Variants in LARP4B observed in about 807,000 individuals in gnomAD.
LARP4B encodes the protein La ribonucleoprotein 4B.
In LARP4B, 12 loss-of-function variants were observed where a neutral mutation model predicts 89.8. That is an observed-to-expected ratio of 0.13 (90% CI 0.09 to 0.22). The LOEUF (loss-of-function observed/expected upper bound fraction) is 0.22, where lower values mean the gene tolerates loss of function less well. Ranked by LOEUF, LARP4B falls within the 10% of genes least tolerant of loss-of-function variation. LARP4B has a pLI of 1.00. For missense variants in LARP4B, 757 were observed against 947.7 expected, an observed-to-expected ratio of 0.80 and a Z score of 2.64; for synonymous variants, 367 against 363.3, an observed-to-expected ratio of 1.01 and a Z score of -0.12.
rs1186207058 is a variant in LARP4B, at chr10:812,125, C to T, written c.*801G>A. On this transcript the variant is annotated 3_prime_UTR_variant, in exon 18 of 18. Coordinates refer to ENST00000316157, the MANE Select transcript of LARP4B (RefSeq NM_015155.3). ...GAGCAGGGCCGGGGCCATCAGCTCA[C>T]AGGGGTCAAAACAACATCATGGTAC... The T allele has an allele frequency of 6.5e-6, 1 of 152,692 alleles. No homozygotes were observed. Among genetic ancestry groups the T allele is most frequent in the East Asian group, 1.9e-4 (1 of 5,204 alleles). The allele number at this position is 152,692 out of a possible 1,614,324, so 9.5% of individuals were successfully genotyped here.
chr10:974,869 T>G, the LARP4B span, among the ~76,000 whole-genome samples: 3 of 152,222 alleles, frequency 2.0e-5, no homozygotes, highest in Admixed American at 2.0e-4. Context: ...GCACAGACGC[T>G]CAAGCCTCCC....
At position 829,949 on chromosome 10, in the gene LARP4B, T is replaced by G. The variant is rs1192715462; in HGVS notation, c.862-215A>C. Among the ~76,000 whole-genome samples the G allele has an allele frequency of 2.6e-5, 4 of 152,116 alleles. 1 individual carries two copies. Among genetic ancestry groups the G allele is most frequent in the Non-Finnish European group, 5.9e-5 (4 of 68,014 alleles). ...GTACCCCAAATTCTCACAAACAAGA[T>G]TTGTACACAATTTTGTAAGTATTAA... On this transcript the variant is annotated intron_variant, in intron 9 of 17. Transcript: ENST00000316157.
At chr10:974,406 C>T in the LARP4B span, among the ~76,000 whole-genome samples, 1 of 152,192 alleles carries the variant, frequency 6.6e-6, no homozygotes, top group African/African-American at 2.4e-5. Flanking sequence ...GGAGCCTTAC[C>T]GTGGCAAATG....
In LARP4B at chr10:817,873, G is replaced by T; in HGVS notation, c.1547C>A (p.Ser516Tyr). 6 of 1,614,018 alleles carry T rather than the reference G, an allele frequency of 3.7e-6. No homozygotes were observed. The highest frequency in any genetic ancestry group is 1.1e-5 in the South Asian group (1 of 91,078). ...CGACGGAGGCTTTGGTGGCGTTGGA[G>T]ACTGTGTCTGGCTGCTCTGCAACAG... ...EEKFTSSQTQSPTPPKPPSPS... is the reference protein window; with the variant it reads ...EEKFTSSQTQYPTPPKPPSPS... The change falls in exon 15 of 18, where the codon TCT (serine) becomes TAT (tyrosine). Residue 516 changes from serine (S) to tyrosine (Y), a missense_variant. By Grantham distance (144) the Ser-to-Tyr change is moderately radical. Coordinates refer to ENST00000316157, the MANE Select transcript of LARP4B (RefSeq NM_015155.3).
Position 814,530 on chromosome 10 carries a change from A to G in LARP4B, c.1929+212T>C, listed in dbSNP as rs1831918538. 5.7e-6 allele frequency: 6 copies of G among 1,047,264 alleles called. No homozygotes were observed. The highest frequency in any genetic ancestry group is 5.7e-5 in the South Asian group (4 of 69,896). 64.9% of individuals were successfully genotyped at this position (1,047,264 alleles called of 1,614,324 possible). ...ACCAACACTGAAATAAAAGGACTAC[A>G]TGGTGGTCTGAGAAAGAACTAGAGT... is the stretch of plus-strand genomic sequence containing the variant. On this transcript the variant is annotated intron_variant, in intron 17 of 17. Transcript: ENST00000316157. This position sits in a 1 kb window ranked among gnomAD's most constrained non-coding sequence, Gnocchi z 4.4.
the LARP4B span, among the ~76,000 whole-genome samples, chr10:956,505 C>T: frequency 1.3e-5 from 2 of 151,986 alleles, no homozygotes; most frequent in African/African-American, 4.8e-5. This position sits in a 1 kb window ranked among gnomAD's most constrained non-coding sequence, Gnocchi z 4.3. Flanking sequence ...GCCACCACGC[C>T]CAGCTAATTT....
the LARP4B span, among the ~76,000 whole-genome samples, chr10:954,591 C>T: frequency 2.0e-5 from 3 of 152,146 alleles, no homozygotes; most frequent in South Asian, 2.1e-4. The surrounding 1 kb of genome is among the most constrained non-coding windows in gnomAD (Gnocchi z 5.0). Context: ...ACAGCTGCTG[C>T]GTGGAGTCAC....
At chr10:910,119 T>C (rs1268137099) in intron 1 of LARP4B, among the ~76,000 whole-genome samples, 5 of 152,220 alleles carry the variant, frequency 3.3e-5, no homozygotes, top group Admixed American at 6.5e-5. Context: ...CTTATCTTCA[T>C]GTTCCTGAAA....
rs754274452 is a variant in LARP4B, at chr10:838,795, C to CAT, written c.647-2290_647-2289insAT. Among the ~76,000 whole-genome samples, 19 of 152,206 alleles carry CAT rather than the reference C, an allele frequency of 1.2e-4. 1 individual carries two copies. The highest frequency in any genetic ancestry group is 1.2e-3 in the East Asian group (6 of 5,200). ...CAAAGGAGCTAAAAAATTATGTCCA[C>CAT]ACAAAATCTGCATACAGATGTTTAT... On this transcript the variant is annotated intron_variant, in intron 7 of 17. Transcript: ENST00000316157.
intron 5 of LARP4B, among the ~76,000 whole-genome samples, chr10:863,176 C>T (rs943398522): frequency 9.9e-5 from 15 of 152,198 alleles, no homozygotes; most frequent in Admixed American, 6.5e-4. Context: ...CCAACATTAA[C>T]GTTCCACCTC....
At chr10:881,593 G>A (rs1184523280) in intron 3 of LARP4B, among the ~76,000 whole-genome samples, 2 of 152,148 alleles carry the variant, frequency 1.3e-5, no homozygotes, top group African/African-American at 4.8e-5. Flanking sequence ...GTCCCTGCCT[G>A]GAACTCAGGT....
the LARP4B span, among the ~76,000 whole-genome samples, chr10:981,705 G>A: frequency 6.6e-6 from 1 of 152,100 alleles, no homozygotes; most frequent in African/African-American, 2.4e-5. Context: ...GAATAGCTGG[G>A]ATTACAGGCG....
intron 7 of LARP4B, among the ~76,000 whole-genome samples, chr10:839,880 G>T (rs1224482315): frequency 6.6e-6 from 1 of 152,122 alleles, no homozygotes; most frequent in Non-Finnish European, 1.5e-5. Context: ...TCAAAACCCG[G>T]CAATAACCTA....
Position 814,683 on chromosome 10 carries a change from G to A in LARP4B, c.1929+59C>T, listed in dbSNP as rs1041753355. On this transcript the variant is annotated intron_variant, in intron 17 of 17. Transcript: ENST00000316157. The surrounding 1 kb of genome is among the most constrained non-coding windows in gnomAD (Gnocchi z 4.4). ...ACGAGCAGGTGCAGGAGTGCGCAGCGTCTGTTCACACCAGAGCCTCGCGGC... is the reference window on the plus strand; with the variant it reads ...ACGAGCAGGTGCAGGAGTGCGCAGCATCTGTTCACACCAGAGCCTCGCGGC... The A allele has an allele frequency of 3.7e-5, 57 of 1,555,052 alleles. No individual in the cohort carries two copies. Among genetic ancestry groups the A allele is most frequent in the East Asian group, 9.7e-5 (4 of 41,092 alleles).
chr10:832,624 T>C (rs746839823), intron 8 of LARP4B, among the ~76,000 whole-genome samples: 15 of 152,030 alleles, frequency 9.9e-5, no homozygotes, highest in Non-Finnish European at 1.8e-4. Context: ...AGGATGGTGA[T>C]AAAAACCACA....
chr10:864,480 C>T (rs1428944341), intron 3 of LARP4B, among the ~76,000 whole-genome samples: 1 of 151,340 alleles, frequency 6.6e-6, no homozygotes, highest in Admixed American at 6.6e-5. Flanking sequence ...TTTTAAGTTC[C>T]TCCTCCCAAG....
chr10:873,296 A>C (rs1464590599), intron 3 of LARP4B: 2 of 985,274 alleles, frequency 2.0e-6, no homozygotes, highest in Non-Finnish European at 2.4e-6. Context: ...CTGCCACTCA[A>C]ACCCAAATCC....
At chr10:851,935 G>C (rs925060550) in intron 5 of LARP4B, among the ~76,000 whole-genome samples, 1 of 152,058 alleles carries the variant, frequency 6.6e-6, no homozygotes, top group Non-Finnish European at 1.5e-5. Flanking sequence ...GCGTGGTGGT[G>C]TGCTACTGTA....
chr10:824,058 T>C (rs994207093), intron 13 of LARP4B, among the ~76,000 whole-genome samples: 56 of 152,194 alleles, frequency 3.7e-4, no homozygotes, highest in Non-Finnish European at 2.4e-4. Flanking sequence ...GAAGAGGAGC[T>C]TGCACGTCAG....
Sources: gnomAD v4.1 joint callset for allele counts (sites outside exome capture counted in the v4.1 genomes callset) on GRCh38, gnomAD v4.1.1 for gene constraint, Gnocchi (gnomAD v3.1) non-coding constraint, MANE v1.5 for transcripts, NCBI Gene and HGNC (gene_info 2026-07-23, HGNC 2026-07-21) for gene names.